Variants in SGCZ observed in about 807,000 individuals in gnomAD.
SGCZ encodes zeta-sarcoglycan.
Under a neutral mutation model 41.3 loss-of-function variants are expected in SGCZ, and 40 were observed. That is an observed-to-expected ratio of 0.97 (90% CI 0.75 to 1.26). The LOEUF (loss-of-function observed/expected upper bound fraction) is 1.26, where lower values mean the gene tolerates loss of function less well. SGCZ is among the 50% of genes most tolerant of loss of function. The pLI, the probability that SGCZ is intolerant of heterozygous loss-of-function variation, is 0.00. For synonymous variants in SGCZ, 206 were observed against 137.5 expected (o/e 1.50, Z -3.49); for missense variants, 552 against 369.8 (o/e 1.49, Z -4.04).
rs577908010 is a variant in SGCZ, at chr8:14,927,388, C to T, written c.39+310197G>A. ...CCTCCCAAAGTGCTGGGATTACAGG[C>T]GTGAGCCACCGCGCCCGGCCAAGTT... On this transcript the variant is annotated intron_variant, in intron 1 of 7. Coordinates refer to ENST00000382080, the MANE Select transcript of SGCZ (RefSeq NM_139167.4). Among the ~76,000 whole-genome samples the T allele has an allele frequency of 6.6e-4, 101 of 152,136 alleles. 1 individual carries two copies. Among genetic ancestry groups the T allele is most frequent in the African/African-American group, 2.2e-3 (93 of 41,532 alleles).
chr8:15,120,255 CAA>C (rs1807429927), intron 1 of SGCZ, among the ~76,000 whole-genome samples: 1 of 152,152 alleles, frequency 6.6e-6, no homozygotes, highest in Non-Finnish European at 1.5e-5. Flanking sequence ...TGTTATATTT[CAA>C]AAAGCTATGT....
chr8:14,780,299 C>A (rs968871544), intron 1 of SGCZ, among the ~76,000 whole-genome samples: 2 of 147,626 alleles, frequency 1.4e-5, no homozygotes, highest in Non-Finnish European at 3.0e-5. Context: ...AGCACGAACC[C>A]GGGGGGCAGA....
chr8:14,872,371 CA>C (rs1435338303), intron 1 of SGCZ, among the ~76,000 whole-genome samples: 1 of 152,028 alleles, frequency 6.6e-6, no homozygotes, highest in Non-Finnish European at 1.5e-5. Flanking sequence ...ATTGTTCTCA[CA>C]AATAATCAAA....
In SGCZ at chr8:14,084,917, A is replaced by C. The variant is rs942922052; in HGVS notation, c.*5526T>G. Among the ~76,000 whole-genome samples the C allele has an allele frequency of 1.3e-5, 2 of 151,858 alleles. No individual in the cohort carries two copies. The highest frequency in any genetic ancestry group is 2.9e-5 in the Non-Finnish European group (2 of 67,864). On this transcript the variant is annotated 3_prime_UTR_variant, in exon 8 of 8. Transcript: ENST00000382080. Reference sequence around the variant, plus strand: ...CATAGTAGCACCAAAATTAGGACAAATTACAAGAATCACAGGAGAGATCTT... The same window carrying C: ...CATAGTAGCACCAAAATTAGGACAACTTACAAGAATCACAGGAGAGATCTT...
chr8:14,372,230 C>T (rs527710713), intron 2 of SGCZ, among the ~76,000 whole-genome samples: 2 of 152,252 alleles, frequency 1.3e-5, no homozygotes, highest in African/African-American at 4.8e-5. Context: ...TATATGAAGA[C>T]TAAATTTGCG....
At chr8:15,200,960 C>T (rs1368931272) in intron 1 of SGCZ, among the ~76,000 whole-genome samples, 1 of 152,124 alleles carries the variant, frequency 6.6e-6, no homozygotes, top group Non-Finnish European at 1.5e-5. Context: ...TCTCTATTTT[C>T]AGTAAAAATA....
At chr8:14,317,781 G>A (rs956660665) in intron 3 of SGCZ, among the ~76,000 whole-genome samples, 1 of 151,692 alleles carries the variant, frequency 6.6e-6, no homozygotes, top group African/African-American at 2.4e-5. Context: ...GGCAAAAACT[G>A]CAATTGCTTT....
At chr8:15,225,529 T>C (rs1254114261) in intron 1 of SGCZ, among the ~76,000 whole-genome samples, 1 of 152,148 alleles carries the variant, frequency 6.6e-6, no homozygotes, top group African/African-American at 2.4e-5. Context: ...CGTGTTCACA[T>C]AATGAAAAGT....
intron 2 of SGCZ, among the ~76,000 whole-genome samples, chr8:14,510,010 G>A (rs1205311294): frequency 1.3e-5 from 2 of 152,062 alleles, no homozygotes; most frequent in African/African-American, 4.8e-5. Context: ...TACAATTTGA[G>A]ATGACATTTG....
At chr8:14,730,544 A>ATGTGG (rs1479227838) in intron 1 of SGCZ, among the ~76,000 whole-genome samples, 10 of 152,116 alleles carry the variant, frequency 6.6e-5, no homozygotes, top group African/African-American at 1.2e-4. Context: ...GAAGGGAATC[A>ATGTGG]GAAACAACAT....
intron 4 of SGCZ, among the ~76,000 whole-genome samples, chr8:14,167,795 C>T (rs926758153): frequency 2.0e-5 from 3 of 152,102 alleles, no homozygotes; most frequent in African/African-American, 7.2e-5. Flanking sequence ...TTTGAACATT[C>T]ACATCTGTTG....
intron 2 of SGCZ, among the ~76,000 whole-genome samples, chr8:14,369,017 G>T (rs961722475): frequency 3.6e-5 from 5 of 140,238 alleles, no homozygotes; most frequent in African/African-American, 6.0e-5. Flanking sequence ...AGAGGCAAAT[G>T]TAAATGTGTG....
At chr8:14,687,682 T>C (rs931966092) in intron 1 of SGCZ, among the ~76,000 whole-genome samples, 1 of 151,686 alleles carries the variant, frequency 6.6e-6, no homozygotes, top group Non-Finnish European at 1.5e-5. Context: ...TATAGCAGCA[T>C]GATTTATAGT....
rs1413034186 is a variant in SGCZ at position 14,551,547 on chromosome 8, ATAT to A, written c.234+3182_234+3184del. ...ATAATATATATAATATATATAATAT[ATAT>A]AATATATATTATATATATAATATAT... On this transcript the variant is annotated intron_variant, in intron 2 of 7. Coordinates refer to ENST00000382080, the MANE Select transcript of SGCZ (RefSeq NM_139167.4). Among the ~76,000 whole-genome samples, 6 of 9,446 alleles carry A rather than the reference ATAT, an allele frequency of 6.4e-4. 3 individuals are homozygous for A. The highest frequency in any genetic ancestry group is 1.1e-3 in the Non-Finnish European group (6 of 5,364). 6.2% of individuals were successfully genotyped at this position (9,446 alleles called of 152,430 possible).
At chr8:14,278,998 G>A (rs1227487999) in intron 3 of SGCZ, among the ~76,000 whole-genome samples, 1 of 151,958 alleles carries the variant, frequency 6.6e-6, no homozygotes, top group Non-Finnish European at 1.5e-5. Context: ...TCTGGTTCCT[G>A]GTCTAGGAAT....
chr8:14,564,736 T>C (rs193254136), intron 1 of SGCZ, among the ~76,000 whole-genome samples: 7 of 152,290 alleles, frequency 4.6e-5, no homozygotes, highest in Non-Finnish European at 8.8e-5. Flanking sequence ...AATTATGTGG[T>C]GTGAACTTTC....
intron 2 of SGCZ, among the ~76,000 whole-genome samples, chr8:14,447,172 A>G (rs1800456750): frequency 6.6e-6 from 1 of 152,144 alleles, no homozygotes; most frequent in South Asian, 2.1e-4. Context: ...TGTTCACTCA[A>G]CCAGTCTCAT....
intron 1 of SGCZ, among the ~76,000 whole-genome samples, chr8:14,758,186 T>G (rs1482603072): frequency 6.6e-6 from 1 of 152,202 alleles, no homozygotes; most frequent in Admixed American, 6.5e-5. Flanking sequence ...CAGAAACATA[T>G]GCAATCTCAT....
chr8:14,098,313 G>A (rs1333273575), intron 7 of SGCZ, among the ~76,000 whole-genome samples: 1 of 152,142 alleles, frequency 6.6e-6, no homozygotes, highest in South Asian at 2.1e-4. Context: ...TTTAAGATTT[G>A]TTTTTCTGAT....
Sources: gnomAD v4.1 joint callset for allele counts (sites outside exome capture counted in the v4.1 genomes callset) on GRCh38, gnomAD v4.1.1 for gene constraint, MANE v1.5 for transcripts, NCBI Gene and HGNC (gene_info 2026-07-23, HGNC 2026-07-21) for gene names.